The following MYO5B variants were observed in gnomAD, a reference collection of about 807,000 sequenced individuals.
The protein encoded by MYO5B is unconventional myosin-Vb.
MYO5B carries 143 observed loss-of-function variants against 229.3 expected under a neutral mutation model. That is an observed-to-expected ratio of 0.62 (90% CI 0.54 to 0.72). The LOEUF is 0.72. MYO5B is among the 30% of genes least tolerant of loss of function. The probability of loss-of-function intolerance (pLI) is 0.00; values close to 1 mark genes in which losing one functional copy is unlikely to be tolerated. For synonymous variants in MYO5B, 918 were observed against 885.2 expected (o/e 1.04, Z -0.66); for missense variants, 2,321 against 2,331.0 (o/e 1.00, Z 0.09).
chr18:50,181,033 G>T (rs1397007128), intron 1 of MYO5B, among the ~76,000 whole-genome samples: 2 of 152,220 alleles, frequency 1.3e-5, no homozygotes, highest in African/African-American at 4.8e-5. Context: ...TGACACAGCA[G>T]GGGGAAGAGA....
chr18:49,886,479 C>T (rs1435805679), intron 22 of MYO5B, among the ~76,000 whole-genome samples: 1 of 152,156 alleles, frequency 6.6e-6, no homozygotes, highest in African/African-American at 2.4e-5. Context: ...CCTCACCCCA[C>T]AAGTAAATGA....
intron 22 of MYO5B, among the ~76,000 whole-genome samples, chr18:49,890,258 G>C (rs776140681): frequency 7.2e-5 from 11 of 152,230 alleles, no homozygotes; most frequent in Non-Finnish European, 1.3e-4. Context: ...CAGGGCTGCA[G>C]GGTGCAGTGG....
chr18:50,027,645 T>C (rs2026345552), intron 4 of MYO5B, among the ~76,000 whole-genome samples: 1 of 152,178 alleles, frequency 6.6e-6, no homozygotes, highest in Admixed American at 6.5e-5. Context: ...CAATGTTTAG[T>C]TCTACCAGAT....
At chr18:49,958,778 G>A (rs2025524327) in intron 12 of MYO5B, among the ~76,000 whole-genome samples, 1 of 152,174 alleles carries the variant, frequency 6.6e-6, no homozygotes, top group South Asian at 2.1e-4. Context: ...CTCCACCCAA[G>A]GGACTCACGG....
rs1306299038 is a variant in MYO5B, at chr18:49,953,360, CAG to C, written c.1669-19_1669-18del. The C allele has an allele frequency of 1.2e-6, 2 of 1,609,318 alleles. No individual in the cohort carries two copies. The highest frequency in any genetic ancestry group is 8.5e-7 in the Non-Finnish European group (1 of 1,175,574). Reference sequence around the variant, plus strand: ...GTACTCCACCTGGGGCCACAGCAACCAGAGAGAGACACAGTCGTTAGTGCTTC... The same window carrying C: ...GTACTCCACCTGGGGCCACAGCAACCAGAGAGACACAGTCGTTAGTGCTTC... On this transcript the variant is annotated intron_variant, in intron 13 of 39. Transcript: ENST00000285039.
At chr18:50,142,815 G>A (rs922965103) in intron 1 of MYO5B, among the ~76,000 whole-genome samples, 4 of 152,184 alleles carry the variant, frequency 2.6e-5, no homozygotes, top group Non-Finnish European at 5.9e-5. Context: ...GGTTTGCCTC[G>A]ATTTGCAAAT....
At chr18:50,143,501 G>T (rs1295585760) in intron 1 of MYO5B, among the ~76,000 whole-genome samples, 1 of 152,202 alleles carries the variant, frequency 6.6e-6, no homozygotes, top group Non-Finnish European at 1.5e-5. Context: ...GCTGACACCA[G>T]CCACAGGATG....
chr18:49,937,514 A>C, intron 14 of MYO5B, 117 bp from the exon 15 acceptor site: 1 of 1,195,264 alleles, frequency 8.4e-7, no homozygotes, highest in Non-Finnish European at 1.2e-6. Flanking sequence ...CCACGCCAAA[A>C]CCCACACACC....
chr18:50,164,117 A>G (rs559200285), intron 1 of MYO5B, among the ~76,000 whole-genome samples: 1 of 152,340 alleles, frequency 6.6e-6, no homozygotes, highest in Admixed American at 6.5e-5. Flanking sequence ...AGCTATCCTG[A>G]TGCAGGAGTC....
intron 1 of MYO5B, among the ~76,000 whole-genome samples, chr18:50,156,674 G>A (rs2032684006): frequency 6.6e-6 from 1 of 152,198 alleles, no homozygotes; most frequent in South Asian, 2.1e-4. Flanking sequence ...TCCAAAGGAA[G>A]CTATTTTCTT....
intron 31 of MYO5B, among the ~76,000 whole-genome samples, chr18:49,852,279 C>T (rs1407307038): frequency 1.3e-5 from 2 of 152,234 alleles, no homozygotes; most frequent in East Asian, 1.9e-4. Context: ...CTCCAGGGAA[C>T]ATAGGCCACC....
chr18:49,896,748 A>T (rs761397883), intron 21 of MYO5B, among the ~76,000 whole-genome samples: 5 of 152,134 alleles, frequency 3.3e-5, no homozygotes, highest in Non-Finnish European at 5.9e-5. Flanking sequence ...TGTATCCAGG[A>T]GGCCCAGCTG....
chr18:50,024,169 G>A (rs1057398348), intron 4 of MYO5B, among the ~76,000 whole-genome samples: 58 of 152,192 alleles, frequency 3.8e-4, no homozygotes, highest in African/African-American at 1.3e-3. Context: ...ATGACCCAGT[G>A]CGGAAGCAGA....
At position 49,902,806 on chromosome 18, in the gene MYO5B, T is replaced by A; in HGVS notation, c.2599A>T (p.Ile867Phe). 1 of 1,601,620 alleles carries A rather than the reference T, an allele frequency of 6.2e-7. No individual in the cohort carries two copies. The highest frequency in any genetic ancestry group is 8.5e-7 in the Non-Finnish European group (1 of 1,179,930). ...ATCCAGCCCCGCACGTGCTTCTGGA[T>A]GGTGGTGGCCTTGTGCTCCATGAGG... ...QVLMEHKATTIQKHVRGWMAR... is the reference protein window; with the variant it reads ...QVLMEHKATTFQKHVRGWMAR... The change falls in exon 21 of 40, where the codon ATC becomes TTC. Residue 867 changes from isoleucine (I) to phenylalanine (F), a missense_variant. Ile to Phe is a conservative substitution (Grantham distance 21). This residue lies in a region of MYO5B where 2,113 missense variants were observed against 2,044.7 expected (regional missense o/e 1.03). Transcript: ENST00000285039.
chr18:49,960,079 A>T (rs751127936), intron 12 of MYO5B, among the ~76,000 whole-genome samples: 4 of 151,014 alleles, frequency 2.6e-5, no homozygotes, highest in Non-Finnish European at 4.4e-5. Flanking sequence ...CTCCCTGCAC[A>T]CTCCCCCTTT....
intron 1 of MYO5B, among the ~76,000 whole-genome samples, 195 bp downstream of exon 1, chr18:50,194,572 G>C (rs2033273711): frequency 6.6e-6 from 1 of 152,204 alleles, no homozygotes; most frequent in South Asian, 2.1e-4. Flanking sequence ...CAGTGCGGGC[G>C]TTCCCGGAAC....
intron 18 of MYO5B, 39 bp downstream of exon 18, chr18:49,912,023 C>T: frequency 1.1e-5 from 17 of 1,523,136 alleles, no homozygotes; most frequent in Non-Finnish European, 1.5e-5. Flanking sequence ...TTTAGGGGAC[C>T]TGGTCAGGCC....
At chr18:50,120,686 A>T (rs1482174567) in intron 1 of MYO5B, among the ~76,000 whole-genome samples, 1 of 152,128 alleles carries the variant, frequency 6.6e-6, no homozygotes, top group African/African-American at 2.4e-5. Context: ...GCTTCTTTGT[A>T]TGTGATATGG....
chr18:49,875,961 A>G (rs909997882), intron 25 of MYO5B, 134 bp from the exon 26 acceptor site: 3 of 1,058,934 alleles, frequency 2.8e-6, no homozygotes, highest in African/African-American at 3.1e-5. Context: ...TGCATCTCAA[A>G]TACAAAGCCA....
Sources: allele counts gnomAD v4.1 joint callset (sites outside exome capture counted in the v4.1 genomes callset), GRCh38; gene constraint gnomAD v4.1.1; regional missense constraint gnomAD v4.1.1; transcripts MANE v1.5; gene names NCBI Gene and HGNC (gene_info 2026-07-23, HGNC 2026-07-21).